Variants in RASAL2 observed in about 807,000 individuals in gnomAD.
The protein encoded by RASAL2 is ras GTPase-activating protein nGAP.
RASAL2 carries 58 observed loss-of-function variants against 128.9 expected under a neutral mutation model. The ratio of observed to expected loss-of-function variants is 0.45; its 90% CI spans 0.36 to 0.56. The LOEUF is 0.56. Among genes scored for constraint, RASAL2 ranks in the 20% least tolerant of loss-of-function variants. The pLI is 0.00. For missense variants in RASAL2, 1,360 were observed against 1,601.6 expected (o/e 0.85, Z 2.57); for synonymous variants, 561 against 580.8 (o/e 0.97, Z 0.49).
At chr1:178,239,785 C>A (rs903522997) in intron 1 of RASAL2, among the ~76,000 whole-genome samples, 2 of 151,922 alleles carry the variant, frequency 1.3e-5, no homozygotes, top group Non-Finnish European at 2.9e-5. Flanking sequence ...ACGTTAGGCA[C>A]TGATACTCTA....
intron 1 of RASAL2, among the ~76,000 whole-genome samples, chr1:178,135,496 T>TAAA (rs1207102103): frequency 0.054 from 6,270 of 116,260 alleles, 453 homozygotes; most frequent in Non-Finnish European, 0.071. Context: ...TGTCTCTTCA[T>TAAA]AAAAAAAAAA....
At chr1:178,253,606 T>C (rs933216709) in intron 1 of RASAL2, among the ~76,000 whole-genome samples, 3 of 151,304 alleles carry the variant, frequency 2.0e-5, no homozygotes, top group African/African-American at 7.3e-5. Context: ...GAGATAGGGG[T>C]GGGGCTGTTT....
chr1:178,278,392 G>C (rs1666624877), intron 1 of RASAL2, among the ~76,000 whole-genome samples: 1 of 152,206 alleles, frequency 6.6e-6, no homozygotes, highest in East Asian at 1.9e-4. Context: ...TCCCTTATTT[G>C]TGCCTATAGC....
At chr1:178,394,362 G>A (rs1365393782) in intron 4 of RASAL2, among the ~76,000 whole-genome samples, 1 of 152,120 alleles carries the variant, frequency 6.6e-6, no homozygotes, top group East Asian at 1.9e-4. Context: ...ATAATGAAAA[G>A]TTATCCAGGT....
intron 1 of RASAL2, among the ~76,000 whole-genome samples, chr1:178,188,269 C>A (rs1662376840): frequency 6.6e-6 from 1 of 152,204 alleles, no homozygotes; most frequent in Non-Finnish European, 1.5e-5. Context: ...TCTCCCTAAA[C>A]TCCCATTTCT....
At position 178,439,448 on chromosome 1, in the gene RASAL2, A is replaced by G. The variant is rs1676475786; in HGVS notation, c.701A>G (p.Glu234Gly). The change falls in exon 6 of 18, where the codon GAG becomes GGG. Residue 234 changes from glutamate to glycine, a missense_variant. Physicochemically the swap from Glu to Gly is moderately conservative, Grantham distance 98. Coordinates refer to ENST00000367649, the MANE Select transcript of RASAL2 (RefSeq NM_170692.4). Reference protein sequence around the residue: ...DRSRGLPKLKESRSHESLLSP... With the variant: ...DRSRGLPKLKGSRSHESLLSP... Reference sequence around the variant, plus strand: ...TCTCGTGGGCTGCCTAAACTAAAAGAGTCACGTTCCCATGAATCCTTGCTG... The same window carrying G: ...TCTCGTGGGCTGCCTAAACTAAAAGGGTCACGTTCCCATGAATCCTTGCTG... 6.2e-7 allele frequency: 1 copy of G among 1,610,818 alleles called. No individual in the cohort carries two copies. Among genetic ancestry groups the G allele is most frequent in the South Asian group, 1.1e-5 (1 of 90,396 alleles).
rs1668894116 is a variant in RASAL2 at position 178,323,589 on chromosome 1, A to G, written c.457+23471A>G. Among the ~76,000 whole-genome samples, 5 of 152,366 alleles carry G rather than the reference A, an allele frequency of 3.3e-5. No individual in the cohort carries two copies. In the South Asian group the frequency reaches 8.3e-4, roughly 25 times the overall value. Reference sequence around the variant, plus strand: ...GTCCAAGTTAACAAGTCACAGTATCAAGTGTACTTGGTTGTGAATGTCAGG... The same window carrying G: ...GTCCAAGTTAACAAGTCACAGTATCGAGTGTACTTGGTTGTGAATGTCAGG... On this transcript the variant is annotated intron_variant, in intron 3 of 17. Transcript: ENST00000367649.
intron 4 of RASAL2, among the ~76,000 whole-genome samples, chr1:178,418,404 T>G (rs1372770590): frequency 6.6e-6 from 1 of 152,206 alleles, no homozygotes; most frequent in Non-Finnish European, 1.5e-5. Flanking sequence ...TTCATCCTCA[T>G]CATCTTCACA....
At chr1:178,182,578 T>C (rs1662152816) in intron 1 of RASAL2, among the ~76,000 whole-genome samples, 1 of 152,202 alleles carries the variant, frequency 6.6e-6, no homozygotes, top group Non-Finnish European at 1.5e-5. Flanking sequence ...TGTAAGTTCA[T>C]ATTAATGTTT....
intron 4 of RASAL2, among the ~76,000 whole-genome samples, chr1:178,418,770 T>A (rs1334846068): frequency 6.6e-6 from 1 of 152,192 alleles, no homozygotes; most frequent in Non-Finnish European, 1.5e-5. Context: ...CCTTCCTCCA[T>A]TGAAGTTAGA....
intron 3 of RASAL2, among the ~76,000 whole-genome samples, chr1:178,304,902 C>T (rs936458330): frequency 1.3e-5 from 2 of 152,004 alleles, no homozygotes; most frequent in South Asian, 2.1e-4. Flanking sequence ...TTTGGAGAAA[C>T]CTAAAGACTC....
At chr1:178,336,358 A>C (rs1236262917) in intron 3 of RASAL2, among the ~76,000 whole-genome samples, 1 of 152,108 alleles carries the variant, frequency 6.6e-6, no homozygotes, top group African/African-American at 2.4e-5. Context: ...GTGGTAAGCC[A>C]AAGACTGATT....
intron 1 of RASAL2, among the ~76,000 whole-genome samples, chr1:178,149,375 G>T (rs937465839): frequency 1.3e-5 from 2 of 151,894 alleles, no homozygotes; most frequent in African/African-American, 4.8e-5. Flanking sequence ...TTCATTTCTG[G>T]CTGTTGTACA....
intron 1 of RASAL2, among the ~76,000 whole-genome samples, chr1:178,190,185 C>A (rs750093839): frequency 1.3e-5 from 2 of 152,100 alleles, no homozygotes; most frequent in Non-Finnish European, 2.9e-5. Flanking sequence ...AAGGAGGGAT[C>A]GCAAAGAAGT....
At chr1:178,385,744 T>C (rs147362620) in intron 3 of RASAL2, among the ~76,000 whole-genome samples, 55 of 152,242 alleles carry the variant, frequency 3.6e-4, no homozygotes, top group African/African-American at 1.2e-3. Context: ...CCTCTCAGAC[T>C]TTACCTCCTA....
chr1:178,454,631 G>A lies in RASAL2; in HGVS notation c.2194G>A (p.Val732Ile). 6.2e-7 allele frequency: 1 copy of A among 1,613,634 alleles called. No homozygotes were observed. The highest frequency in any genetic ancestry group is 8.5e-7 in the Non-Finnish European group (1 of 1,179,614). ...TTTGCATTCCTTACTGTGGGAAGTA[G>A]TTTCCCAACTTGATAAGGTAAAGTA... ...SVLHSLLWEV[V>I]SQLDKATVAK... The change falls in exon 12 of 18, where the codon GTT (valine) becomes ATT (isoleucine). Residue 732 changes from valine (V) to isoleucine (I), a missense_variant. By Grantham distance (29) the Val-to-Ile change is conservative. Around this residue, in one of 3 missense-constraint regions of RASAL2, gnomAD observed 741 missense variants for 868.6 expected, o/e 0.85. Coordinates refer to ENST00000367649, the MANE Select transcript of RASAL2 (RefSeq NM_170692.4).
intron 5 of RASAL2, among the ~76,000 whole-genome samples, chr1:178,422,788 T>C (rs548215996): frequency 4.6e-5 from 7 of 152,118 alleles, no homozygotes; most frequent in African/African-American, 7.2e-5. Flanking sequence ...TGTTCTTTTA[T>C]CCAATCTGTG....
chr1:178,439,712 C>T lies in RASAL2; in HGVS notation c.828+137C>T, dbSNP rs947151212. The T allele has an allele frequency of 4.5e-5, 35 of 771,334 alleles. No individual in the cohort carries two copies. In the Admixed American group the frequency reaches 1.1e-3, roughly 24 times the overall value. The allele number at this position is 771,334 out of a possible 1,614,324, so 47.8% of individuals were successfully genotyped here. A position where few individuals can be genotyped will look rare whatever the true frequency, so the allele number is the denominator to read the frequency against. On this transcript the variant is annotated intron_variant, in intron 6 of 17. Transcript: ENST00000367649. ...TCAGTTGCTAGAAATTATCTACTTA[C>T]AGAGAAAAAGTTAGAAATCTTTTCA...
chr1:178,195,626 A>G (rs1662634380), intron 1 of RASAL2, among the ~76,000 whole-genome samples: 1 of 152,188 alleles, frequency 6.6e-6, no homozygotes, highest in African/African-American at 2.4e-5. Context: ...TATAGTAAGT[A>G]TTTGATAAAT....
Sources: gnomAD v4.1 joint callset for allele counts (sites outside exome capture counted in the v4.1 genomes callset) on GRCh38, gnomAD v4.1.1 for gene constraint, gnomAD v4.1.1 regional missense constraint, MANE v1.5 for transcripts, NCBI Gene and HGNC (gene_info 2026-07-23, HGNC 2026-07-21) for gene names.